SEC14L1: variants seen among roughly 807,000 people sequenced by gnomAD.
SEC14L1 encodes SEC14-like protein 1.
In SEC14L1, 48 loss-of-function variants were observed where a neutral mutation model predicts 85.3. That is an observed-to-expected ratio of 0.56 (90% CI 0.45 to 0.72). The LOEUF is 0.72. SEC14L1 is among the 30% of genes least tolerant of loss of function. The pLI, the probability that SEC14L1 is intolerant of heterozygous loss-of-function variation, is 0.00. For missense variants in SEC14L1, 682 were observed against 921.4 expected (o/e 0.74, Z 3.36); for synonymous variants, 391 against 355.5 (o/e 1.10, Z -1.12).
intron 9 of SEC14L1, among the ~76,000 whole-genome samples, chr17:77,203,008 C>T (rs1041323347): frequency 1.3e-5 from 2 of 150,482 alleles, no homozygotes; most frequent in African/African-American, 4.9e-5. Flanking sequence ...TTAGAATGTT[C>T]TCATTTGTCT....
At chr17:77,193,078 G>C (rs1383838012) in intron 5 of SEC14L1, among the ~76,000 whole-genome samples, 2 of 152,218 alleles carry the variant, frequency 1.3e-5, no homozygotes, top group Non-Finnish European at 2.9e-5. Flanking sequence ...GTTAGACTCT[G>C]TTGAAAGCTT....
chr17:77,191,289 A>G lies in SEC14L1; in HGVS notation c.322A>G (p.Ile108Val), dbSNP rs200035066. 1.9e-4 allele frequency: 312 copies of G among 1,614,050 alleles called. No homozygotes were observed. Among genetic ancestry groups the G allele is most frequent in the Non-Finnish European group, 2.5e-4 (300 of 1,180,028 alleles). The change falls in exon 5 of 17, where the codon ATT becomes GTT. Residue 108 changes from isoleucine to valine, a missense_variant. By Grantham distance (29) the Ile-to-Val change is conservative. Coordinates refer to ENST00000436233, the MANE Select transcript of SEC14L1 (RefSeq NM_001143998.2). Reference protein sequence around the residue: ...YNETFSNRVIINEHCCYTVHP... With the variant: ...YNETFSNRVIVNEHCCYTVHP... ...TGAAACGTTTTCCAATCGGGTCATC[A>G]TTAATGAGCATTGCTGCTACACCGT...
At chr17:77,193,983 G>A (rs998113482) in intron 6 of SEC14L1, among the ~76,000 whole-genome samples, 3 of 152,194 alleles carry the variant, frequency 2.0e-5, no homozygotes, top group African/African-American at 2.4e-5. Context: ...GGGAATTGTG[G>A]TTTTGAAATC....
At chr17:77,209,187 G>T (rs75964716) in intron 13 of SEC14L1, among the ~76,000 whole-genome samples, 155 bp from the exon 14 acceptor site, 3 of 152,326 alleles carry the variant, frequency 2.0e-5, no homozygotes, top group Non-Finnish European at 4.4e-5. Flanking sequence ...ATATTGCTCA[G>T]TAGTGCAGAG....
chr17:77,191,389 C>A, intron 5 of SEC14L1, 77 bp downstream of exon 5: 1 of 1,529,726 alleles, frequency 6.5e-7, no homozygotes, highest in Non-Finnish European at 9.0e-7. Flanking sequence ...CCATTTTAAA[C>A]AGTGCATCTT....
chr17:77,108,805 A>AT (rs369588470), intron 3 of SEC14L1, among the ~76,000 whole-genome samples: 10,988 of 131,550 alleles, frequency 0.084, 632 homozygotes, highest in East Asian at 0.22. Context: ...AAAAAAAAAA[A>AT]GAATGTATAT....
chr17:77,116,406 C>G (rs1341753647), intron 3 of SEC14L1, among the ~76,000 whole-genome samples: 2 of 151,986 alleles, frequency 1.3e-5, no homozygotes, highest in African/African-American at 4.8e-5. Context: ...AATTCTGACC[C>G]TTAAATCTCG....
intron 3 of SEC14L1, among the ~76,000 whole-genome samples, chr17:77,157,497 G>A (rs892697388): frequency 4.6e-5 from 7 of 151,926 alleles, no homozygotes; most frequent in African/African-American, 1.7e-4. Flanking sequence ...TAGTACATGG[G>A]ATAGGAAGAA....
intron 3 of SEC14L1, chr17:77,144,879 T>C (rs1242182069): frequency 6.6e-6 from 1 of 152,148 alleles, no homozygotes; most frequent in Non-Finnish European, 1.5e-5. Context: ...CCCAGAGTGC[T>C]GGGATTACAG....
chr17:77,170,246 C>T (rs1974466883), intron 3 of SEC14L1, among the ~76,000 whole-genome samples: 1 of 152,082 alleles, frequency 6.6e-6, no homozygotes. Flanking sequence ...TAACGTGACT[C>T]TGGTTGGGGT....
intron 3 of SEC14L1, among the ~76,000 whole-genome samples, chr17:77,172,876 G>A (rs1449191312): frequency 6.6e-6 from 1 of 152,188 alleles, no homozygotes; most frequent in Non-Finnish European, 1.5e-5. Context: ...TATTCCTCCA[G>A]TAGGCTGCGT....
In SEC14L1 at chr17:77,206,675, T is replaced by C; in HGVS notation, c.1342-53T>C. 1.9e-6 allele frequency: 3 copies of C among 1,557,900 alleles called. No homozygotes were observed. Among genetic ancestry groups the C allele is most frequent in the South Asian group, 1.2e-5 (1 of 80,994 alleles). ...GAATACCACATTGTCATTTTAATCT[T>C]GGACACTCAGGCAGCAGAGAAATAT... On this transcript the variant is annotated intron_variant, in intron 12 of 16. Transcript: ENST00000436233. This position sits in a 1 kb window ranked among gnomAD's most constrained non-coding sequence, Gnocchi z 4.3.
At chr17:77,205,542 C>T (rs911518389) in intron 11 of SEC14L1, among the ~76,000 whole-genome samples, 196 bp downstream of exon 11, 2 of 152,156 alleles carry the variant, frequency 1.3e-5, no homozygotes, top group African/African-American at 4.8e-5. Context: ...GCTGTGACGT[C>T]AGCCAGAGTG....
At chr17:77,145,386 G>A (rs1260140149) in intron 3 of SEC14L1, among the ~76,000 whole-genome samples, 1 of 152,086 alleles carries the variant, frequency 6.6e-6, no homozygotes, top group Non-Finnish European at 1.5e-5. Context: ...GAAAACACAG[G>A]ACATTTGAAT....
intron 3 of SEC14L1, among the ~76,000 whole-genome samples, chr17:77,175,562 G>T (rs974057291): frequency 6.6e-6 from 1 of 152,366 alleles, no homozygotes; most frequent in South Asian, 2.1e-4. Flanking sequence ...TGCCCGGGCA[G>T]CTGTAGTTCC....
intron 3 of SEC14L1, among the ~76,000 whole-genome samples, chr17:77,155,922 G>T (rs2143599104): frequency 1.3e-5 from 2 of 152,160 alleles, no homozygotes; most frequent in African/African-American, 4.8e-5. Context: ...CTTAAGCTTG[G>T]CTCCCAGAAT....
At chr17:77,110,912 G>T (rs1972031532) in intron 3 of SEC14L1, among the ~76,000 whole-genome samples, 1 of 150,762 alleles carries the variant, frequency 6.6e-6, no homozygotes, top group African/African-American at 2.4e-5. Flanking sequence ...AATACATTGG[G>T]GCTGGGCACA....
chr17:77,169,184 C>T (rs1567906803), intron 3 of SEC14L1, among the ~76,000 whole-genome samples: 1 of 152,090 alleles, frequency 6.6e-6, no homozygotes, highest in Non-Finnish European at 1.5e-5. Context: ...AGACAAAAGG[C>T]AGCTTGACTG....
chr17:77,146,693 G>T (rs1194806256), intron 3 of SEC14L1, among the ~76,000 whole-genome samples: 1 of 147,416 alleles, frequency 6.8e-6, no homozygotes, highest in East Asian at 2.0e-4. Context: ...CTTTTGAATT[G>T]TTAGAAAAAC....
Sources: allele counts gnomAD v4.1 joint callset (sites outside exome capture counted in the v4.1 genomes callset), GRCh38; gene constraint gnomAD v4.1.1; non-coding constraint Gnocchi (gnomAD v3.1); transcripts MANE v1.5; gene names NCBI Gene and HGNC (gene_info 2026-07-23, HGNC 2026-07-21).